TBCE: variants seen among roughly 807,000 people sequenced by gnomAD.
TBCE encodes tubulin folding cofactor E.
TBCE carries 53 observed loss-of-function variants against 77.0 expected under a neutral mutation model. That is an observed-to-expected ratio of 0.69 (90% CI 0.55 to 0.87). The LOEUF is 0.87. TBCE is among the 40% of genes least tolerant of loss of function. TBCE has a pLI of 0.00. For missense variants in TBCE, 624 were observed against 622.4 expected (o/e 1.00, Z -0.03); for synonymous variants, 235 against 241.3 (o/e 0.97, Z 0.24).
At chr1:235,442,007 A>T (rs1157914505) in intron 14 of TBCE, 125 bp downstream of exon 14, 5 of 830,550 alleles carry the variant, frequency 6.0e-6, no homozygotes, top group Non-Finnish European at 9.3e-6. Context: ...TTTAAATGAA[A>T]ATTTTTTTTT....
rs370534306 is a variant in TBCE, at chr1:235,434,276, G to A, written c.733G>A (p.Glu245Lys). 12 of 1,613,572 alleles carry A rather than the reference G, an allele frequency of 7.4e-6. No homozygotes were observed. The highest frequency in any genetic ancestry group is 9.3e-6 in the Non-Finnish European group (11 of 1,179,670). ...TGAGTCTAACAACATTTTCATTTCC[G>A]AAAGGTAACTAGCACTTACTTAAAT... Reference protein sequence around the residue: ...YLESNNIFISERPTDVLQTVK... With the variant: ...YLESNNIFISKRPTDVLQTVK... Residue 245 changes from glutamate to lysine, a missense_variant, in exon 8 of 17, where the codon GAA (glutamate) becomes AAA (lysine). Physicochemically the swap from Glu to Lys is moderately conservative, Grantham distance 56 (BLOSUM62 1). Coordinates refer to ENST00000642610, the MANE Select transcript of TBCE (RefSeq NM_003193.5).
rs1309783467 is a variant in TBCE at position 235,377,186 on chromosome 1, T to C, written c.-31-2833T>C. ...CAATTGGGAAAAATGATTTTTTTTG[T>C]TTTGTTTTTTGTGAGATGGAATTTT... On this transcript the variant is annotated intron_variant, in intron 1 of 16. Transcript: ENST00000642610. Among the ~76,000 whole-genome samples the C allele has an allele frequency of 2.6e-5, 4 of 152,148 alleles. No individual in the cohort carries two copies. The South Asian group carries it at 6.2e-4, about 24-fold the overall frequency.
chr1:235,395,865 A>G (rs1678689961), intron 2 of TBCE, among the ~76,000 whole-genome samples: 1 of 151,922 alleles, frequency 6.6e-6, no homozygotes, highest in Non-Finnish European at 1.5e-5. Context: ...TGCTATCTCC[A>G]TGAGTTCAAT....
chr1:235,393,688 C>T (rs1317549752), intron 2 of TBCE, among the ~76,000 whole-genome samples: 1 of 151,994 alleles, frequency 6.6e-6, no homozygotes, highest in East Asian at 1.9e-4. Flanking sequence ...AGTCTGGTAG[C>T]AAATCTCTTC....
intron 2 of TBCE, among the ~76,000 whole-genome samples, chr1:235,388,283 C>CTTTTTTTTTTTT: frequency 8.5e-6 from 1 of 117,334 alleles, no homozygotes; most frequent in Non-Finnish European, 1.8e-5. Context: ...TCTGTTACTT[C>CTTTTTTTTTTTT]TTTTTTTTTT....
intron 15 of TBCE, among the ~76,000 whole-genome samples, chr1:235,445,665 A>C (rs1009535856): frequency 6.6e-6 from 1 of 152,036 alleles, no homozygotes; most frequent in Non-Finnish European, 1.5e-5. Context: ...CAAAACTGCA[A>C]TATCTTTTTT....
chr1:235,447,282 A>ATTT (rs1195436168), intron 15 of TBCE, among the ~76,000 whole-genome samples: 3 of 152,222 alleles, frequency 2.0e-5, no homozygotes, highest in Non-Finnish European at 4.4e-5. Flanking sequence ...TACAAAAATG[A>ATTT]TTTTTGATAG....
intron 3 of TBCE, among the ~76,000 whole-genome samples, chr1:235,409,336 C>T (rs967246842): frequency 1.1e-4 from 17 of 152,268 alleles, no homozygotes; most frequent in Non-Finnish European, 2.1e-4. Flanking sequence ...TCCTCACCAA[C>T]ATTTTTCTCT....
At chr1:235,435,914 A>G (rs1182002153) in intron 9 of TBCE, 74 bp downstream of exon 9, 7 of 1,243,040 alleles carry the variant, frequency 5.6e-6, no homozygotes, top group Non-Finnish European at 8.3e-6. Flanking sequence ...TATGCTATGT[A>G]TGCTTTCTCA....
intron 7 of TBCE, chr1:235,432,896 A>T: frequency 2.9e-6 from 2 of 700,444 alleles, no homozygotes; most frequent in South Asian, 5.7e-5. Context: ...TAATTATATA[A>T]TATATAATAA....
At chr1:235,447,887 A>C (rs942939580) in intron 15 of TBCE, among the ~76,000 whole-genome samples, 2 of 151,858 alleles carry the variant, frequency 1.3e-5, no homozygotes, top group African/African-American at 2.4e-5. Flanking sequence ...CTTTCCCCTA[A>C]TTACTTACTT....
At chr1:235,379,945 C>T (rs1677520143) in intron 1 of TBCE, 74 bp from the exon 2 acceptor site, 7 of 765,286 alleles carry the variant, frequency 9.1e-6, no homozygotes, top group South Asian at 9.1e-5. Context: ...AAGACTGTGC[C>T]TCAAAAAAAA....
chr1:235,380,560 AC>A lies in TBCE; in HGVS notation c.100+413del, dbSNP rs535134887. On this transcript the variant is annotated intron_variant, in intron 2 of 16. Coordinates refer to ENST00000642610, the MANE Select transcript of TBCE (RefSeq NM_003193.5). ...ACTGATACACATTACAATTTTTGTT[AC>A]CTTTTTTTTAAACTTATTTTTTGGT... is the stretch of plus-strand genomic sequence containing the variant. 5.5e-3 allele frequency among the ~76,000 whole-genome samples: 831 copies of A among 151,876 alleles called. 8 individuals carry two copies. The highest frequency in any genetic ancestry group is 0.019 in the African/African-American group (806 of 41,414).
intron 4 of TBCE, chr1:235,414,834 A>G (rs1023275213): frequency 1.5e-5 from 8 of 546,992 alleles, no homozygotes; most frequent in Non-Finnish European, 2.0e-5. Context: ...CCAGTTTGCA[A>G]TTGAAATATT....
chr1:235,421,930 T>C (rs904877664), intron 5 of TBCE, among the ~76,000 whole-genome samples: 7 of 152,180 alleles, frequency 4.6e-5, no homozygotes, highest in African/African-American at 1.7e-4. Flanking sequence ...CAGACATCTC[T>C]CCATCTGTGT....
At chr1:235,382,632 C>A (rs1677749029) in intron 2 of TBCE, among the ~76,000 whole-genome samples, 1 of 151,998 alleles carries the variant, frequency 6.6e-6, no homozygotes, top group Non-Finnish European at 1.5e-5. Context: ...AGTGTCTGTT[C>A]ATGTCCTTCG....
In TBCE at chr1:235,449,020, CATG is replaced by C. The variant is rs754180159; in HGVS notation, c.*261_*263del. On this transcript the variant is annotated 3_prime_UTR_variant, in exon 17 of 17. Transcript: ENST00000642610. ...ATTTTTACAGCTCATCACTGCATTT[CATG>C]ATAAGATTTAAATATTAAATAGAAA... is the stretch of plus-strand genomic sequence containing the variant. 4.4e-5 allele frequency: 17 copies of C among 384,286 alleles called. 1 individual carries two copies. The highest frequency in any genetic ancestry group is 7.0e-5 in the South Asian group (3 of 42,560). The allele number at this position is 384,286 out of a possible 1,614,324, so 23.8% of individuals were successfully genotyped here.
rs578124083 is a variant in TBCE, at chr1:235,436,091, A to G, written c.833+251A>G. 2.5e-5 allele frequency: 15 copies of G among 603,238 alleles called. No homozygotes were observed. In the Admixed American group the frequency reaches 3.8e-4, roughly 15 times the overall value. The allele number at this position is 603,238 out of a possible 1,614,324, so 37.4% of individuals were successfully genotyped here. A position where few individuals can be genotyped will look rare whatever the true frequency, so the allele number is the denominator to read the frequency against. ...TAATTTGACCCTGGTGATAATGCGG[A>G]AAGTCTTCATTCATTAAACTCCGGG... is the stretch of plus-strand genomic sequence containing the variant. On this transcript the variant is annotated intron_variant, in intron 9 of 16. Transcript: ENST00000642610.
chr1:235,385,468 C>G (rs898215721), intron 2 of TBCE, among the ~76,000 whole-genome samples: 1 of 151,906 alleles, frequency 6.6e-6, no homozygotes, highest in Non-Finnish European at 1.5e-5. Flanking sequence ...CTTTGTAGGT[C>G]ACTGAGGACT....
Sources: allele counts gnomAD v4.1 joint callset (sites outside exome capture counted in the v4.1 genomes callset), GRCh38; gene constraint gnomAD v4.1.1; transcripts MANE v1.5; gene names NCBI Gene and HGNC (gene_info 2026-07-23, HGNC 2026-07-21).